RTL4: variants seen among roughly 807,000 people sequenced by gnomAD.
RTL4 encodes retrotransposon Gag-like protein 4.
A neutral mutation model predicts 5.3 loss-of-function variants in RTL4; 4 were observed. The ratio of observed to expected loss-of-function variants is 0.75; its 90% CI spans 0.37 to 1.72. The LOEUF (loss-of-function observed/expected upper bound fraction) is 1.72, where lower values mean the gene tolerates loss of function less well. RTL4 is among the 40% of genes most tolerant of loss of function. The pLI, the probability that RTL4 is intolerant of heterozygous loss-of-function variation, is 0.04. For missense variants in RTL4, 260 were observed against 227.1 expected (o/e 1.14, Z -0.93); for synonymous variants, 98 against 87.3 (o/e 1.12, Z -0.68).
chrX:112,307,220 A>G, the RTL4 span, among the ~76,000 whole-genome samples: 1 of 112,098 alleles, frequency 8.9e-6, no homozygotes, highest in Non-Finnish European at 1.9e-5. Context: ...AAGCAGTTAC[A>G]TGCAATATCT....
At chrX:112,233,966 G>C in the RTL4 span, among the ~76,000 whole-genome samples, 1 of 110,979 alleles carries the variant, frequency 9.0e-6, no homozygotes, top group African/African-American at 3.3e-5. Context: ...GCCGAGGCAG[G>C]CAGATCGCAA....
chrX:112,100,636 GAA>G, the RTL4 span, among the ~76,000 whole-genome samples: 6 of 111,377 alleles, frequency 5.4e-5, no homozygotes, highest in Non-Finnish European at 7.6e-5. Flanking sequence ...TTCTTCCATG[GAA>G]AAAAGAGTCT....
chrX:112,310,411 TATA>T, the RTL4 span, among the ~76,000 whole-genome samples: 131 of 25,618 alleles, frequency 5.1e-3, 1 homozygote, highest in East Asian at 0.091. Context: ...TATATATATA[TATA>T]TTTAATATAA....
the RTL4 span, among the ~76,000 whole-genome samples, chrX:112,425,435 T>TATTGA: frequency 1.8e-5 from 2 of 111,165 alleles, no homozygotes; most frequent in Non-Finnish European, 3.8e-5. Context: ...TTCCTTTAGG[T>TATTGA]AAGTACCAAG....
the RTL4 span, among the ~76,000 whole-genome samples, chrX:112,184,554 C>G: frequency 8.9e-6 from 1 of 111,885 alleles, no homozygotes; most frequent in Non-Finnish European, 1.9e-5. Flanking sequence ...GAAATCAATT[C>G]TAGTCCACGT....
At chrX:112,325,876 G>A in the RTL4 span, among the ~76,000 whole-genome samples, 6 of 111,866 alleles carry the variant, frequency 5.4e-5, no homozygotes, top group African/African-American at 2.0e-4. Flanking sequence ...CCTACAGAAT[G>A]GGAGAAAATG....
chrX:112,398,907 G>A, the RTL4 span, among the ~76,000 whole-genome samples: 58 of 111,698 alleles, frequency 5.2e-4, no homozygotes, highest in African/African-American at 1.8e-3. Flanking sequence ...TAAATATTTC[G>A]TAGAATTTCC....
At chrX:112,147,345 T>G in the RTL4 span, among the ~76,000 whole-genome samples, 1 of 110,882 alleles carries the variant, frequency 9.0e-6, no homozygotes, top group Admixed American at 9.6e-5. Flanking sequence ...CTGGATGGAT[T>G]CTATGTGAAT....
chrX:112,338,934 G>C, the RTL4 span, among the ~76,000 whole-genome samples: 1 of 111,828 alleles, frequency 8.9e-6, no homozygotes, highest in Non-Finnish European at 1.9e-5. Context: ...TGTCATGATT[G>C]CATATAATTA....
the RTL4 span, among the ~76,000 whole-genome samples, chrX:112,438,256 C>T: frequency 4.5e-5 from 5 of 111,314 alleles, no homozygotes; most frequent in South Asian, 1.9e-3. Flanking sequence ...TGGCTTCCTC[C>T]CATGGTAGGC....
chrX:112,118,970 C>T, the RTL4 span, among the ~76,000 whole-genome samples: 1 of 109,235 alleles, frequency 9.2e-6, no homozygotes. Flanking sequence ...CTACAACCTC[C>T]GCCTCCCAGA....
chrX:112,413,789 C>T, the RTL4 span, among the ~76,000 whole-genome samples: 1 of 110,216 alleles, frequency 9.1e-6, no homozygotes, highest in African/African-American at 3.3e-5. Context: ...GGTAGCACAA[C>T]AGGGTGAGTA....
At chrX:112,174,066 T>A in the RTL4 span, among the ~76,000 whole-genome samples, 1 of 108,718 alleles carries the variant, frequency 9.2e-6, no homozygotes, top group Non-Finnish European at 1.9e-5. Context: ...TTTTTTTTTT[T>A]TTGAGCTTCT....
chrX:112,428,078 C>T, the RTL4 span, among the ~76,000 whole-genome samples: 1 of 111,503 alleles, frequency 9.0e-6, no homozygotes, highest in Non-Finnish European at 1.9e-5. Flanking sequence ...CAGTTCCATC[C>T]AAGTTGCTGC....
the RTL4 span, among the ~76,000 whole-genome samples, chrX:112,190,189 TTTCTTTC>T: frequency 1.9e-5 from 2 of 106,152 alleles, no homozygotes; most frequent in Non-Finnish European, 3.9e-5. Flanking sequence ...TCTTTCTTTC[TTTCTTTC>T]TTTCTTTCTT....
At chrX:112,164,206 C>A in the RTL4 span, among the ~76,000 whole-genome samples, 1 of 111,374 alleles carries the variant, frequency 9.0e-6, no homozygotes, top group East Asian at 2.8e-4. Context: ...GCTAGAATTT[C>A]ATGATACTGC....
chrX:112,393,147 C>CTTTTTTTTTTTTTTTTTTTTTTTTTT, the RTL4 span, among the ~76,000 whole-genome samples: 3 of 81,442 alleles, frequency 3.7e-5, no homozygotes, highest in East Asian at 3.7e-4. Flanking sequence ...TTCTTTCTTT[C>CTTTTTTTTTTTTTTTTTTTTTTTTTT]TTTTTTTTTT....
the RTL4 span, among the ~76,000 whole-genome samples, chrX:112,404,642 A>C: frequency 1.7e-4 from 19 of 112,476 alleles, no homozygotes; most frequent in African/African-American, 6.1e-4. Flanking sequence ...GTTTGAACTC[A>C]CCTAAATCTG....
the RTL4 span, among the ~76,000 whole-genome samples, chrX:112,252,723 A>G: frequency 9.0e-6 from 1 of 110,768 alleles, no homozygotes; most frequent in Non-Finnish European, 1.9e-5. Context: ...TTCTGTCACA[A>G]TTTTTCTGTT....
Sources: gnomAD v4.1 joint callset for allele counts (sites outside exome capture counted in the v4.1 genomes callset) on GRCh38, gnomAD v4.1.1 for gene constraint, MANE v1.5 for transcripts, NCBI Gene and HGNC (gene_info 2026-07-23, HGNC 2026-07-21) for gene names.